Variants in NCKAP5 observed in about 807,000 individuals in gnomAD.
NCKAP5 encodes nck-associated protein 5.
In NCKAP5, 92 loss-of-function variants were observed where a neutral mutation model predicts 167.0. That is an observed-to-expected ratio of 0.55 (90% CI 0.47 to 0.66). The LOEUF (loss-of-function observed/expected upper bound fraction) is 0.66. Among genes scored for constraint, NCKAP5 ranks in the 30% least tolerant of loss-of-function variants. NCKAP5 has a pLI of 0.00. For synonymous variants in NCKAP5, 891 were observed against 877.4 expected, an observed-to-expected ratio of 1.02 and a Z score of -0.27; for missense variants, 2,378 against 2,315.0, an observed-to-expected ratio of 1.03 and a Z score of -0.56.
At chr2:133,435,578 T>C (rs1022200515) in intron 3 of NCKAP5, among the ~76,000 whole-genome samples, 4 of 151,658 alleles carry the variant, frequency 2.6e-5, no homozygotes, top group Non-Finnish European at 5.9e-5. Flanking sequence ...GGTGAGAGAG[T>C]AGGCAAGAGA....
intron 16 of NCKAP5, among the ~76,000 whole-genome samples, chr2:132,763,269 C>T (rs1681167780): frequency 6.6e-6 from 1 of 152,166 alleles, no homozygotes; most frequent in South Asian, 2.1e-4. Flanking sequence ...AAGGTCTCTA[C>T]CATCTGGTCC....
intron 3 of NCKAP5, among the ~76,000 whole-genome samples, chr2:133,465,268 C>T (rs1433978173): frequency 4.6e-5 from 7 of 150,552 alleles, no homozygotes; most frequent in East Asian, 4.0e-4. Context: ...GTTTGGTTTT[C>T]TGTTCTTGAG....
the NCKAP5 span, among the ~76,000 whole-genome samples, chr2:133,635,197 C>T: frequency 6.6e-6 from 1 of 151,988 alleles, no homozygotes; most frequent in Non-Finnish European, 1.5e-5. Context: ...CTAAGTCTGG[C>T]AACTGCATGC....
Position 132,785,674 on chromosome 2 carries a change from C to G in NCKAP5, c.1137G>C (p.Ser379=). The G allele has an allele frequency of 6.6e-7, 1 of 1,508,380 alleles. No homozygotes were observed. The highest frequency in any genetic ancestry group is 8.8e-7 in the Non-Finnish European group (1 of 1,130,274). The allele number at this position is 1,508,380 out of a possible 1,614,324, so 93.4% of individuals were successfully genotyped here. The change falls in exon 14 of 20, where the codon TCG becomes TCC. Residue 379 remains serine (S), a synonymous_variant. Coordinates refer to ENST00000409261, the MANE Select transcript of NCKAP5 (RefSeq NM_207363.3). ...NWDKRLSIDS[S]LPSGFASPTN... ...TAGGACTAGCAAAGCCACTTGGGAG[C>G]GAAGAATCAATACTTAGCCTTTTAT...
chr2:133,648,781 C>A, the NCKAP5 span, among the ~76,000 whole-genome samples: 1 of 150,202 alleles, frequency 6.7e-6, no homozygotes. Context: ...ATGCAATAAA[C>A]GTTTATAATG....
intron 11 of NCKAP5, among the ~76,000 whole-genome samples, chr2:132,841,760 T>C (rs72991365): frequency 0.079 from 11,993 of 152,154 alleles, 951 homozygotes; most frequent in African/African-American, 0.19. Context: ...GATCTTTTGC[T>C]TTGGCCATGT....
At chr2:133,587,538 C>G in the NCKAP5 span, among the ~76,000 whole-genome samples, 1 of 152,182 alleles carries the variant, frequency 6.6e-6, no homozygotes, top group African/African-American at 2.4e-5. Context: ...TGCACATGGT[C>G]TCCACCTGAA....
At chr2:133,538,173 C>A (rs1685903982) in intron 2 of NCKAP5, among the ~76,000 whole-genome samples, 1 of 152,284 alleles carries the variant, frequency 6.6e-6, no homozygotes, top group South Asian at 2.1e-4. Context: ...TTTGAAGGCA[C>A]TACTCTACTA....
chr2:133,224,225 G>A (rs146613705), intron 4 of NCKAP5, among the ~76,000 whole-genome samples: 7 of 152,260 alleles, frequency 4.6e-5, no homozygotes, highest in African/African-American at 1.7e-4. Context: ...AGTAACAAGT[G>A]CCTTCTTACC....
chr2:133,438,590 C>A (rs1197359120), intron 3 of NCKAP5, among the ~76,000 whole-genome samples: 1 of 152,112 alleles, frequency 6.6e-6, no homozygotes, highest in Non-Finnish European at 1.5e-5. Context: ...ATTGAAAAAG[C>A]AATATAATTT....
intron 5 of NCKAP5, among the ~76,000 whole-genome samples, chr2:133,154,387 G>A (rs773712656): frequency 2.0e-5 from 3 of 152,138 alleles, no homozygotes; most frequent in East Asian, 1.9e-4. Context: ...CACTGGTGCC[G>A]AGTGCATAAT....
chr2:133,056,562 T>A (rs562205153), intron 6 of NCKAP5, among the ~76,000 whole-genome samples: 2 of 152,298 alleles, frequency 1.3e-5, no homozygotes, highest in Non-Finnish European at 2.9e-5. Flanking sequence ...CAATTACACA[T>A]GAAATGCTAA....
chr2:133,652,133 A>G, the NCKAP5 span, among the ~76,000 whole-genome samples: 1 of 152,218 alleles, frequency 6.6e-6, no homozygotes, highest in East Asian at 1.9e-4. Flanking sequence ...GGCACCTGAT[A>G]AGTATACAAA....
the NCKAP5 span, among the ~76,000 whole-genome samples, chr2:133,616,077 G>A: frequency 6.6e-6 from 1 of 151,490 alleles, no homozygotes; most frequent in African/African-American, 2.4e-5. Context: ...AATGAAGGCA[G>A]AAATAAAGAT....
upstream of NCKAP5, among the ~76,000 whole-genome samples, chr2:133,570,800 A>C (rs1688838234): frequency 6.6e-6 from 1 of 152,210 alleles, no homozygotes; most frequent in Admixed American, 6.5e-5. Flanking sequence ...GGCTAGTCTA[A>C]CATTAAGGAA....
intron 11 of NCKAP5, among the ~76,000 whole-genome samples, chr2:132,853,042 A>G (rs1689193050): frequency 6.6e-6 from 1 of 152,226 alleles, no homozygotes; most frequent in African/African-American, 2.4e-5. Flanking sequence ...ATAAAGCAAT[A>G]TATTCTGGCT....
intron 16 of NCKAP5, among the ~76,000 whole-genome samples, chr2:132,763,929 T>G (rs1681228871): frequency 2.0e-5 from 3 of 152,322 alleles, no homozygotes; most frequent in African/African-American, 4.8e-5. Flanking sequence ...CGATATAGGC[T>G]TGTTGAACTA....
At chr2:132,723,370 G>T (rs2105410342) in intron 19 of NCKAP5, among the ~76,000 whole-genome samples, 1 of 151,216 alleles carries the variant, frequency 6.6e-6, no homozygotes, top group Non-Finnish European at 1.5e-5. Context: ...CACCGTGTTA[G>T]CCTGGTTGGT....
At chr2:133,428,866 A>G (rs1029044796) in intron 3 of NCKAP5, among the ~76,000 whole-genome samples, 1 of 152,200 alleles carries the variant, frequency 6.6e-6, no homozygotes, top group African/African-American at 2.4e-5. Context: ...AAATACTAAT[A>G]GTATCTAAAT....
Sources: gnomAD v4.1 joint callset for allele counts (sites outside exome capture counted in the v4.1 genomes callset) on GRCh38, gnomAD v4.1.1 for gene constraint, MANE v1.5 for transcripts, NCBI Gene and HGNC (gene_info 2026-07-23, HGNC 2026-07-21) for gene names.